Variants in CDC73 observed in about 807,000 individuals in gnomAD.
The protein encoded by CDC73 is cell division cycle 73, also known as parafibromin.
A neutral mutation model predicts 83.7 loss-of-function variants in CDC73; 21 were observed. That is an observed-to-expected ratio of 0.25 (90% CI 0.18 to 0.36). The LOEUF is 0.36. Among genes scored for constraint, CDC73 ranks in the 10% least tolerant of loss-of-function variants. The pLI is 1.00. For missense variants in CDC73, 342 were observed against 653.3 expected (o/e 0.52, Z 5.19); for synonymous variants, 224 against 212.9 (o/e 1.05, Z -0.45).
chr1:193,235,168 T>G (rs768265802), intron 14 of CDC73, among the ~76,000 whole-genome samples: 21 of 152,156 alleles, frequency 1.4e-4, no homozygotes, highest in Admixed American at 3.3e-4. Flanking sequence ...GAGATGGCTA[T>G]TCTCATGATT....
chr1:193,129,303 T>A (rs1675647515), intron 2 of CDC73, among the ~76,000 whole-genome samples: 1 of 151,754 alleles, frequency 6.6e-6, no homozygotes, highest in Non-Finnish European at 1.5e-5. Flanking sequence ...GCCTAATTTT[T>A]GTGTTTTTAG....
intron 10 of CDC73, among the ~76,000 whole-genome samples, chr1:193,172,394 C>T (rs908356074): frequency 2.6e-5 from 4 of 151,944 alleles, no homozygotes; most frequent in Admixed American, 2.6e-4. Flanking sequence ...TGAGAGACTG[C>T]TGAGTTTGAT....
At chr1:193,180,523 C>T (rs1313615777) in intron 10 of CDC73, 1 of 1,613,922 alleles carries the variant, frequency 6.2e-7, no homozygotes, top group African/African-American at 1.3e-5. Context: ...CTTGGCAAGA[C>T]AGATCCCTAC....
At position 193,208,927 on chromosome 1, in the gene CDC73, C is replaced by T. The variant is rs191960617; in HGVS notation, c.1031-3138C>T. Among the ~76,000 whole-genome samples the T allele has an allele frequency of 4.6e-5, 7 of 152,290 alleles. No individual in the cohort carries two copies. The East Asian group carries it at 1.2e-3, about 25-fold the overall frequency. On this transcript the variant is annotated intron_variant, in intron 11 of 16. Coordinates refer to ENST00000367435, the MANE Select transcript of CDC73 (RefSeq NM_024529.5). ...CATCTTTCAAATTTCAGCTTAAATG[C>T]CACTTTCTTTGAGAAGCTGTTTGCA...
At chr1:193,227,607 TA>T (rs1230674514) in intron 13 of CDC73, among the ~76,000 whole-genome samples, 1 of 152,162 alleles carries the variant, frequency 6.6e-6, no homozygotes, top group Admixed American at 6.5e-5. Context: ...CTACTTTGAA[TA>T]AAAAAGGTAA....
At chr1:193,227,107 G>A (rs960672815) in intron 13 of CDC73, among the ~76,000 whole-genome samples, 13 of 152,012 alleles carry the variant, frequency 8.6e-5, no homozygotes, top group African/African-American at 3.1e-4. Context: ...TGCATGTAAA[G>A]TTGTTCATAG....
chr1:193,231,424 A>G (rs1677661594), intron 13 of CDC73, among the ~76,000 whole-genome samples: 1 of 152,218 alleles, frequency 6.6e-6, no homozygotes, highest in South Asian at 2.1e-4. Flanking sequence ...TATAAAACTT[A>G]TAGCACAATG....
intron 10 of CDC73, among the ~76,000 whole-genome samples, chr1:193,158,833 A>G (rs1375917868): frequency 6.6e-6 from 1 of 152,194 alleles, no homozygotes; most frequent in Non-Finnish European, 1.5e-5. Flanking sequence ...GATAGTATGT[A>G]TATAATAGTC....
chr1:193,208,256 G>A (rs1301796925), intron 11 of CDC73, among the ~76,000 whole-genome samples: 5 of 152,098 alleles, frequency 3.3e-5, no homozygotes, highest in Admixed American at 1.3e-4. Context: ...CACAACTCAA[G>A]TAGAAACCAT....
chr1:193,152,850 G>C (rs1676143068), intron 10 of CDC73, among the ~76,000 whole-genome samples: 1 of 152,034 alleles, frequency 6.6e-6, no homozygotes, highest in South Asian at 2.1e-4. Flanking sequence ...TGCGATCTCG[G>C]CTCACTGCAA....
intron 7 of CDC73, among the ~76,000 whole-genome samples, chr1:193,144,067 G>A (rs562690194): frequency 5.8e-4 from 72 of 123,904 alleles, no homozygotes; most frequent in Admixed American, 9.8e-4. Context: ...CTAAGATTGT[G>A]CCATTGCACT....
chr1:193,128,993 A>ATTTTTT (rs756040512), intron 2 of CDC73, among the ~76,000 whole-genome samples: 1 of 128,940 alleles, frequency 7.8e-6, no homozygotes, highest in African/African-American at 3.0e-5. Context: ...CGCCCGGCTA[A>ATTTTTT]TTTTTTTTTT....
intron 13 of CDC73, among the ~76,000 whole-genome samples, chr1:193,213,535 C>G (rs1183352509): frequency 6.6e-6 from 1 of 152,166 alleles, no homozygotes; most frequent in Admixed American, 6.5e-5. Flanking sequence ...AATACATACT[C>G]TTTCAGAGGA....
intron 2 of CDC73, among the ~76,000 whole-genome samples, chr1:193,125,513 C>T (rs1313160119): frequency 4.6e-5 from 7 of 152,168 alleles, no homozygotes; most frequent in East Asian, 1.9e-4. Flanking sequence ...CCTCCTGCCT[C>T]GGCCTCCCGA....
At chr1:193,207,411 C>G (rs1677205769) in intron 11 of CDC73, among the ~76,000 whole-genome samples, 1 of 152,106 alleles carries the variant, frequency 6.6e-6, no homozygotes, top group African/African-American at 2.4e-5. Flanking sequence ...ATTTACCAGG[C>G]TGGAATTTCC....
intron 7 of CDC73, among the ~76,000 whole-genome samples, chr1:193,145,820 T>TTATTTGTATAG (rs1434976030): frequency 3.3e-5 from 5 of 152,210 alleles, no homozygotes; most frequent in Non-Finnish European, 7.3e-5. Context: ...ATATACATAT[T>TTATTTGTATAG]TATTTGTATA....
intron 13 of CDC73, among the ~76,000 whole-genome samples, chr1:193,222,756 CTTT>C (rs59773568): frequency 1.7e-5 from 2 of 117,190 alleles, no homozygotes; most frequent in African/African-American, 3.2e-5. Flanking sequence ...ATGAAATAAG[CTTT>C]TTTTTTTTTT....
intron 10 of CDC73, among the ~76,000 whole-genome samples, chr1:193,163,652 C>T (rs1239338158): frequency 1.3e-5 from 2 of 151,918 alleles, no homozygotes; most frequent in Non-Finnish European, 2.9e-5. Context: ...TGATAGGTAC[C>T]AATTTTGGGG....
chr1:193,187,247 T>A (rs1276617160), intron 10 of CDC73, among the ~76,000 whole-genome samples: 2 of 152,156 alleles, frequency 1.3e-5, no homozygotes, highest in Admixed American at 1.3e-4. Context: ...TAAATCACTT[T>A]TTAATGTTGT....
Sources: gnomAD v4.1 joint callset for allele counts (sites outside exome capture counted in the v4.1 genomes callset) on GRCh38, gnomAD v4.1.1 for gene constraint, MANE v1.5 for transcripts, NCBI Gene and HGNC (gene_info 2026-07-23, HGNC 2026-07-21) for gene names.